The following ADGRE1 variants were observed in gnomAD, a reference collection of about 807,000 sequenced individuals.
ADGRE1 encodes EGF-like module receptor 1.
A neutral mutation model predicts 102.7 loss-of-function variants in ADGRE1; 82 were observed. The observed-to-expected ratio is 0.80, with a 90% CI of 0.67 to 0.96. The LOEUF is 0.96. Among genes scored for constraint, ADGRE1 ranks in the 40% least tolerant of loss-of-function variants. The pLI, the probability that ADGRE1 is intolerant of heterozygous loss-of-function variation, is 0.00. For missense variants in ADGRE1, 1,032 were observed against 1,085.3 expected (o/e 0.95, Z 0.69); for synonymous variants, 398 against 399.6 (o/e 1.00, Z 0.05).
At chr19:6,918,052 G>A (rs185291479) in intron 12 of ADGRE1, among the ~76,000 whole-genome samples, 20 of 152,240 alleles carry the variant, frequency 1.3e-4, no homozygotes, top group African/African-American at 4.3e-4. Context: ...CATTAAGGAG[G>A]AGGAATCTGT....
At chr19:6,934,186 C>A (rs1975284031) in intron 17 of ADGRE1, among the ~76,000 whole-genome samples, 1 of 152,062 alleles carries the variant, frequency 6.6e-6, no homozygotes, top group Non-Finnish European at 1.5e-5. Context: ...GAGGCTGTTG[C>A]ACGGATGGGC....
chr19:6,918,835 G>A (rs548464176), intron 12 of ADGRE1, among the ~76,000 whole-genome samples: 4 of 150,642 alleles, frequency 2.7e-5, no homozygotes, highest in Non-Finnish European at 5.9e-5. Flanking sequence ...AGCGATTGTC[G>A]TACCTCGGCC....
intron 13 of ADGRE1, 103 bp from the exon 14 acceptor site, chr19:6,921,610 T>C: frequency 2.3e-6 from 3 of 1,305,212 alleles, no homozygotes; most frequent in Middle Eastern, 2.1e-4. Context: ...GAACATACCC[T>C]GTGTATTCTT....
chr19:6,938,259 C>T (rs1326834698), intron 20 of ADGRE1, among the ~76,000 whole-genome samples: 1 of 152,018 alleles, frequency 6.6e-6, no homozygotes, highest in Non-Finnish European at 1.5e-5. Context: ...ATTGCTTGAA[C>T]CCAAGAGGCG....
chr19:6,934,761 C>G (rs993711148), intron 17 of ADGRE1, among the ~76,000 whole-genome samples: 3 of 145,922 alleles, frequency 2.1e-5, no homozygotes, highest in Admixed American at 1.4e-4. Flanking sequence ...CCATGCATGG[C>G]TAATTTTTTT....
At chr19:6,928,678 A>G (rs966001203) in intron 17 of ADGRE1, 19 of 172,472 alleles carry the variant, frequency 1.1e-4, no homozygotes, top group Middle Eastern at 2.9e-3. Context: ...GCGGTGGCTC[A>G]TGCCTGTTAT....
At chr19:6,889,448 T>A (rs1199604803) in intron 1 of ADGRE1, among the ~76,000 whole-genome samples, 1 of 151,830 alleles carries the variant, frequency 6.6e-6, no homozygotes, top group African/African-American at 2.4e-5. Context: ...CCCAGCACTT[T>A]AGGAGGCTGA....
chr19:6,934,804 A>C (rs2145033331), intron 17 of ADGRE1, among the ~76,000 whole-genome samples, 183 bp from the exon 18 acceptor site: 1 of 145,982 alleles, frequency 6.9e-6, no homozygotes, highest in Non-Finnish European at 1.5e-5. Flanking sequence ...GACAGGTTTC[A>C]CCATGTTTGC....
chr19:6,929,929 G>A (rs560247675), intron 17 of ADGRE1, among the ~76,000 whole-genome samples: 1 of 152,284 alleles, frequency 6.6e-6, no homozygotes, highest in African/African-American at 2.4e-5. Flanking sequence ...TCAAGCGTGA[G>A]TCTCTGCGCC....
At chr19:6,896,283 G>T in intron 2 of ADGRE1, 115 bp from the exon 3 acceptor site, 1 of 1,010,334 alleles carries the variant, frequency 9.9e-7, no homozygotes, top group Non-Finnish European at 1.5e-6. Flanking sequence ...CGTATCTTTT[G>T]GGAGGAACAC....
chr19:6,903,157 T>G (rs1485588019), intron 6 of ADGRE1, among the ~76,000 whole-genome samples: 1 of 152,220 alleles, frequency 6.6e-6, no homozygotes. Context: ...ACAGGTGGTT[T>G]ATGCAAAAAT....
chr19:6,919,322 G>A (rs465961), intron 12 of ADGRE1, among the ~76,000 whole-genome samples: 109,123 of 149,194 alleles, frequency 0.73, 40,523 homozygotes, highest in East Asian at 0.78. Flanking sequence ...GAGCCACCAT[G>A]CCCGGCCAGA....
At chr19:6,908,598 G>A in intron 9 of ADGRE1, 91 bp from the exon 10 acceptor site, 2 of 1,149,248 alleles carry the variant, frequency 1.7e-6, no homozygotes, top group Non-Finnish European at 2.4e-6. Context: ...TCATATGATG[G>A]GCTTTATGGG....
intron 17 of ADGRE1, among the ~76,000 whole-genome samples, chr19:6,929,120 T>C (rs1400780858): frequency 6.6e-6 from 1 of 152,160 alleles, no homozygotes; most frequent in Admixed American, 6.5e-5. Context: ...GCAGTGTCAT[T>C]GTCTGGGGGT....
chr19:6,924,766 G>A lies in ADGRE1; in HGVS notation c.1880G>A (p.Cys627Tyr), dbSNP rs1461638043. The change falls in exon 15 of 21, where the codon TGT becomes TAT. Residue 627 changes from cysteine to tyrosine, a missense_variant. Coordinates refer to ENST00000312053, the MANE Select transcript of ADGRE1 (RefSeq NM_001974.5). ...LVLAIATFLL[C>Y]RSIRNHNTYL... ...TTGGCCATCGCCACCTTTCTGCTGT[G>A]TCGCTCCATCCGAAATCACAACACC... The A allele has an allele frequency of 6.2e-7, 1 of 1,614,072 alleles. No homozygotes were observed. The highest frequency in any genetic ancestry group is 1.3e-5 in the African/African-American group (1 of 74,986).
chr19:6,898,524 A>G, intron 5 of ADGRE1: 1 of 1,552,722 alleles, frequency 6.4e-7, no homozygotes, highest in Non-Finnish European at 8.9e-7. Flanking sequence ...GGGTGAGTTC[A>G]TGTATTTCTG....
At chr19:6,906,348 C>G in intron 8 of ADGRE1, 85 bp from the exon 9 acceptor site, 7 of 1,217,608 alleles carry the variant, frequency 5.7e-6, no homozygotes, top group Non-Finnish European at 8.4e-6. Context: ...AAGTCGGGCA[C>G]GGGAGGACAT....
intron 5 of ADGRE1, chr19:6,898,279 G>A (rs2607129): frequency 0.016 from 24,764 of 1,585,688 alleles, 249 homozygotes; most frequent in Middle Eastern, 0.027. Flanking sequence ...TAGTATAAGT[G>A]AATTTGTAAC....
intron 3 of ADGRE1, 197 bp downstream of exon 3, chr19:6,896,738 A>ATTGCTAGCTAGTG: frequency 3.3e-6 from 2 of 601,256 alleles, no homozygotes; most frequent in Non-Finnish European, 5.5e-6. Flanking sequence ...CTGTCACAGC[A>ATTGCTAGCTAGTG]TTGCTAGCTA....
Sources: allele counts gnomAD v4.1 joint callset (sites outside exome capture counted in the v4.1 genomes callset), GRCh38; gene constraint gnomAD v4.1.1; transcripts MANE v1.5; gene names NCBI Gene and HGNC (gene_info 2026-07-23, HGNC 2026-07-21).